The following KCNH8 variants were observed in gnomAD, a reference collection of about 807,000 sequenced individuals.
KCNH8 encodes the protein voltage-gated delayed rectifier potassium channel KCNH8.
Under a neutral mutation model 103.6 loss-of-function variants are expected in KCNH8, and 70 were observed. The observed-to-expected ratio is 0.68, with a 90% CI of 0.56 to 0.82. The LOEUF is 0.82. Among genes scored for constraint, KCNH8 ranks in the 40% least tolerant of loss-of-function variants. The pLI is 0.00. For synonymous variants in KCNH8, 498 were observed against 489.4 expected (o/e 1.02, Z -0.23); for missense variants, 1,217 against 1,329.9 (o/e 0.92, Z 1.32).
At chr3:19,382,217 T>C (rs1394998323) in intron 5 of KCNH8, among the ~76,000 whole-genome samples, 1 of 152,162 alleles carries the variant, frequency 6.6e-6, no homozygotes, top group Non-Finnish European at 1.5e-5. Context: ...AAACAATTCA[T>C]AGATATTACT....
At chr3:19,488,042 A>G (rs1240291830) in intron 11 of KCNH8, among the ~76,000 whole-genome samples, 1 of 152,166 alleles carries the variant, frequency 6.6e-6, no homozygotes, top group Non-Finnish European at 1.5e-5. Context: ...TGTAATCCTG[A>G]CGGCAGGCTC....
intron 3 of KCNH8, among the ~76,000 whole-genome samples, chr3:19,339,240 TATTA>T (rs1350620533): frequency 6.6e-6 from 1 of 152,266 alleles, no homozygotes; most frequent in Non-Finnish European, 1.5e-5. Context: ...GAAAATCTGT[TATTA>T]ATTAGATATC....
chr3:19,305,571 T>A lies in KCNH8; in HGVS notation c.442+24242T>A, dbSNP rs1228221311. 4.4e-4 allele frequency among the ~76,000 whole-genome samples: 67 copies of A among 152,110 alleles called. 1 individual carries two copies. Among genetic ancestry groups the A allele is most frequent in the Admixed American group, 4.3e-3 (66 of 15,246 alleles). On this transcript the variant is annotated intron_variant, in intron 3 of 15. Coordinates refer to ENST00000328405, the MANE Select transcript of KCNH8 (RefSeq NM_144633.3). ...AGATTAGTTAATATTCCACTTGATGTATCAAAACCTATTGAGAGAAAATTC... is the reference window on the plus strand; with the variant it reads ...AGATTAGTTAATATTCCACTTGATGAATCAAAACCTATTGAGAGAAAATTC...
intron 5 of KCNH8, among the ~76,000 whole-genome samples, chr3:19,355,563 A>T (rs2065869967): frequency 6.6e-6 from 1 of 152,168 alleles, no homozygotes; most frequent in Admixed American, 6.5e-5. Flanking sequence ...ATAAAAAAGG[A>T]TGAGTTCATG....
chr3:19,270,307 G>C (rs1476713281), intron 2 of KCNH8, among the ~76,000 whole-genome samples: 1 of 152,112 alleles, frequency 6.6e-6, no homozygotes, highest in Non-Finnish European at 1.5e-5. Flanking sequence ...AAATCTGTTA[G>C]ATTGCATACC....
At chr3:19,242,800 G>A (rs1346485877) in intron 1 of KCNH8, among the ~76,000 whole-genome samples, 2 of 151,598 alleles carry the variant, frequency 1.3e-5, no homozygotes, top group Non-Finnish European at 3.0e-5. Flanking sequence ...AACTGCAAAT[G>A]TAATAAGCAA....
intron 11 of KCNH8, among the ~76,000 whole-genome samples, chr3:19,466,483 A>T (rs2067737948): frequency 6.6e-6 from 1 of 151,942 alleles, no homozygotes; most frequent in Non-Finnish European, 1.5e-5. Flanking sequence ...GATGTCACAA[A>T]CTTCATTGTT....
At chr3:19,437,802 C>G (rs905728502) in intron 7 of KCNH8, among the ~76,000 whole-genome samples, 9 of 152,114 alleles carry the variant, frequency 5.9e-5, no homozygotes, top group African/African-American at 2.2e-4. Context: ...TTCTTTGTTT[C>G]TTCTTATAAT....
chr3:19,212,881 T>A (rs1046349067), intron 1 of KCNH8, among the ~76,000 whole-genome samples: 7 of 152,230 alleles, frequency 4.6e-5, no homozygotes, highest in Non-Finnish European at 8.8e-5. Flanking sequence ...GCCTAATAAT[T>A]ATAGACTTTT....
intron 11 of KCNH8, among the ~76,000 whole-genome samples, chr3:19,509,689 T>G (rs1005307074): frequency 3.3e-5 from 5 of 152,224 alleles, no homozygotes; most frequent in African/African-American, 9.6e-5. Context: ...ATATCAACAC[T>G]GATTGGCAGC....
At position 19,370,036 on chromosome 3, in the gene KCNH8, G is replaced by T. The variant is rs372715453; in HGVS notation, c.812-20445G>T. Among the ~76,000 whole-genome samples the T allele has an allele frequency of 2.9e-4, 44 of 151,978 alleles. 2 individuals are homozygous for T. Among genetic ancestry groups the T allele is most frequent in the East Asian group, 2.5e-3 (13 of 5,194 alleles). ...TCTGCTTAAATCCCTTCCATCACTTGCTACTCTTTAACTTTAAATAAATGC... is the reference window on the plus strand; with the variant it reads ...TCTGCTTAAATCCCTTCCATCACTTTCTACTCTTTAACTTTAAATAAATGC... On this transcript the variant is annotated intron_variant, in intron 5 of 15. Transcript: ENST00000328405.
intron 1 of KCNH8, among the ~76,000 whole-genome samples, chr3:19,234,213 C>G (rs969889797): frequency 3.3e-5 from 5 of 152,238 alleles, no homozygotes; most frequent in Non-Finnish European, 7.3e-5. Context: ...AGGAGCCCAG[C>G]TGGCTTCACT....
rs1032547522 is a variant in KCNH8, at chr3:19,498,776, T to G, written c.2041-11587T>G. ...GGTTTTTTGGTGTGGATGTCCTTTC[T>G]GTTTGTTAGTTTTCCTTCTAACAGA... is the stretch of plus-strand genomic sequence containing the variant. On this transcript the variant is annotated intron_variant, in intron 11 of 15. Coordinates refer to ENST00000328405, the MANE Select transcript of KCNH8 (RefSeq NM_144633.3). Among the ~76,000 whole-genome samples the G allele has an allele frequency of 4.8e-4, 73 of 152,316 alleles. 1 individual carries two copies. The highest frequency in any genetic ancestry group is 1.6e-3 in the African/African-American group (68 of 41,558).
At chr3:19,326,382 T>TATATATATATATATATATAA (rs879457927) in intron 3 of KCNH8, among the ~76,000 whole-genome samples, 12 of 142,562 alleles carry the variant, frequency 8.4e-5, no homozygotes, top group East Asian at 2.0e-4. Flanking sequence ...TATATATATA[T>TATATATATATATATATATAA]AATAAATGAT....
intron 7 of KCNH8, among the ~76,000 whole-genome samples, chr3:19,421,085 TTG>T (rs2066944702): frequency 6.6e-6 from 1 of 152,116 alleles, no homozygotes; most frequent in Non-Finnish European, 1.5e-5. Context: ...TTTTAAAAAA[TTG>T]GTGAAACAAC....
chr3:19,204,670 A>T (rs1285563132), intron 1 of KCNH8, among the ~76,000 whole-genome samples: 1 of 152,108 alleles, frequency 6.6e-6, no homozygotes, highest in Non-Finnish European at 1.5e-5. Context: ...CACTTGAAAG[A>T]TGTTTTCTTT....
chr3:19,271,317 A>G (rs946678231), intron 2 of KCNH8, among the ~76,000 whole-genome samples: 1 of 152,118 alleles, frequency 6.6e-6, no homozygotes, highest in Admixed American at 6.5e-5. Context: ...CATCTTTAAG[A>G]TCTTTTTTAA....
At chr3:19,438,912 T>C (rs2067239173) in intron 8 of KCNH8, among the ~76,000 whole-genome samples, 1 of 152,254 alleles carries the variant, frequency 6.6e-6, no homozygotes. Context: ...TGTGGTTCTT[T>C]CTATCTCTGA....
intron 4 of KCNH8, among the ~76,000 whole-genome samples, chr3:19,344,785 C>G (rs556525785): frequency 2.0e-4 from 31 of 152,136 alleles, no homozygotes; most frequent in Non-Finnish European, 3.8e-4. Context: ...CATTTTATAG[C>G]CCTTTGCTAT....
Sources: allele counts gnomAD v4.1 joint callset (sites outside exome capture counted in the v4.1 genomes callset), GRCh38; gene constraint gnomAD v4.1.1; transcripts MANE v1.5; gene names NCBI Gene and HGNC (gene_info 2026-07-23, HGNC 2026-07-21).